The following CCR3 variants were observed in gnomAD, a reference collection of about 807,000 sequenced individuals.
The protein encoded by CCR3 is C-C motif chemokine receptor 3, also known as C-C chemokine receptor type 3.
For synonymous variants in CCR3, 203 were observed against 179.2 expected (o/e 1.13, Z -1.06); for missense variants, 419 against 437.5 (o/e 0.96, Z 0.38).
At chr3:46,240,558 C>G, upstream of CCR3, among the ~76,000 whole-genome samples, 1 of 152,132 alleles carries the variant, frequency 6.6e-6, no homozygotes, top group Non-Finnish European at 1.5e-5. Flanking sequence ...TTTCTAAACC[C>G]TGTAGAACTT....
intron 1 of CCR3, among the ~76,000 whole-genome samples, chr3:46,248,054 A>C (rs902038720): frequency 6.6e-6 from 1 of 152,076 alleles, no homozygotes; most frequent in Non-Finnish European, 1.5e-5. Context: ...TGGAACTGCC[A>C]TCAATAAATC....
At chr3:46,238,405 T>C (rs966438715), upstream of CCR3, among the ~76,000 whole-genome samples, 1 of 152,204 alleles carries the variant, frequency 6.6e-6, no homozygotes, top group Non-Finnish European at 1.5e-5. Context: ...TCAGATCTTT[T>C]TTATTGGGCT....
At chr3:46,216,518 G>T (rs1187698627) in intron 2 of CCR3, among the ~76,000 whole-genome samples, 2 of 152,168 alleles carry the variant, frequency 1.3e-5, no homozygotes, top group African/African-American at 4.8e-5. Flanking sequence ...ATCACAAAAA[G>T]ATCATCATCT....
upstream of CCR3, among the ~76,000 whole-genome samples, chr3:46,237,669 T>G (rs1443521138): frequency 1.3e-5 from 2 of 152,240 alleles, no homozygotes; most frequent in African/African-American, 2.4e-5. Context: ...CCCAGCAGCA[T>G]GTATTGAAGA....
chr3:46,234,795 C>CA (rs1433652984), intron 2 of CCR3, among the ~76,000 whole-genome samples: 4 of 152,202 alleles, frequency 2.6e-5, no homozygotes, highest in African/African-American at 9.7e-5. Context: ...GCTTTCCTTC[C>CA]ACCACCATCA....
At chr3:46,232,376 G>T (rs1171953390) in intron 2 of CCR3, among the ~76,000 whole-genome samples, 2 of 152,196 alleles carry the variant, frequency 1.3e-5, no homozygotes, top group South Asian at 2.1e-4. Context: ...AGCAGGAAGG[G>T]CTGGGAAAGC....
At chr3:46,214,429 C>T (rs1699750759) in intron 2 of CCR3, among the ~76,000 whole-genome samples, 1 of 152,152 alleles carries the variant, frequency 6.6e-6, no homozygotes, top group Admixed American at 6.5e-5. Context: ...TTGATTTTCT[C>T]TCATCTTGTC....
At chr3:46,249,504 A>G (rs1700264233) in intron 1 of CCR3, among the ~76,000 whole-genome samples, 1 of 152,092 alleles carries the variant, frequency 6.6e-6, no homozygotes, top group Non-Finnish European at 1.5e-5. Context: ...CTCCACTGTG[A>G]GAGTTACCTA....
At chr3:46,260,748 G>A (rs867940974) in intron 1 of CCR3, among the ~76,000 whole-genome samples, 4 of 152,320 alleles carry the variant, frequency 2.6e-5, no homozygotes, top group Non-Finnish European at 5.9e-5. Context: ...ATGAGGCAGA[G>A]GAAATTATTT....
intron 2 of CCR3, among the ~76,000 whole-genome samples, chr3:46,222,172 G>A (rs1474307668): frequency 6.6e-6 from 1 of 152,204 alleles, no homozygotes; most frequent in Non-Finnish European, 1.5e-5. Flanking sequence ...AGAGGAAGCA[G>A]GACCATGTAT....
At chr3:46,238,020 C>G (rs1700040866), upstream of CCR3, among the ~76,000 whole-genome samples, 1 of 152,202 alleles carries the variant, frequency 6.6e-6, no homozygotes, top group Non-Finnish European at 1.5e-5. Flanking sequence ...GATCTTTTCT[C>G]TATTTCAATT....
At chr3:46,221,467 C>T (rs758953098) in intron 2 of CCR3, among the ~76,000 whole-genome samples, 6 of 152,338 alleles carry the variant, frequency 3.9e-5, no homozygotes, top group African/African-American at 1.4e-4. Context: ...TATTCCTGCA[C>T]ATGCAAGATG....
At chr3:46,243,790 C>T (rs1387140680) in intron 1 of CCR3, among the ~76,000 whole-genome samples, 2 of 152,028 alleles carry the variant, frequency 1.3e-5, no homozygotes, top group Non-Finnish European at 1.5e-5. Flanking sequence ...AAAAGCAGAT[C>T]TGTACAGCAG....
At position 46,266,379 on chromosome 3, in the gene CCR3, T is replaced by C. The variant is rs1700635166; in HGVS notation, c.*153T>C. ...TGAAATATACACACAGCAGTAGCAG[T>C]AGATGCATGTACCCTAAGGTCATTA... On this transcript the variant is annotated 3_prime_UTR_variant, in exon 2 of 2. Coordinates refer to ENST00000395940, the MANE Select transcript of CCR3 (RefSeq NM_178329.3). 1 of 615,242 alleles carries C rather than the reference T, an allele frequency of 1.6e-6. No individual in the cohort carries two copies. Among genetic ancestry groups the C allele is most frequent in the East Asian group, 2.8e-5 (1 of 36,170 alleles). The allele number at this position is 615,242 out of a possible 1,614,324, so 38.1% of individuals were successfully genotyped here. A position where few individuals can be genotyped will look rare whatever the true frequency, so the allele number is the denominator to read the frequency against.
rs528127543 is a variant in CCR3, at chr3:46,219,046, T to C, written c.-68+8139T>C. The stretch of plus-strand genomic sequence containing the variant: ...AATGAAGAAGTCAAACTGTCGCTGT[T>C]TGCCCATGATATGATCACATACCTA... On this transcript the variant is annotated intron_variant, in intron 2 of 3. Coordinates refer to the CCR3 transcript ENST00000357422. 2.0e-5 allele frequency among the ~76,000 whole-genome samples: 3 copies of C among 152,228 alleles called. No homozygotes were observed. In the East Asian group the frequency reaches 5.8e-4, roughly 29 times the overall value.
At chr3:46,239,867 C>T (rs1391222925), upstream of CCR3, among the ~76,000 whole-genome samples, 1 of 152,162 alleles carries the variant, frequency 6.6e-6, no homozygotes, top group Non-Finnish European at 1.5e-5. Flanking sequence ...ATGTGGAATA[C>T]TCTGAAAACC....
chr3:46,211,389 ATATATATATT>A (rs1449435109), intron 2 of CCR3, among the ~76,000 whole-genome samples: 3 of 146,704 alleles, frequency 2.0e-5, no homozygotes, highest in African/African-American at 7.5e-5. Context: ...GTATATATAT[ATATATATATT>A]TTTTGTAGAA....
At chr3:46,227,939 A>G (rs527790342) in intron 2 of CCR3, among the ~76,000 whole-genome samples, 80 of 152,174 alleles carry the variant, frequency 5.3e-4, no homozygotes, top group African/African-American at 1.5e-3. Context: ...ATCTCGGTGA[A>G]TGTTCCATAG....
intron 2 of CCR3, among the ~76,000 whole-genome samples, chr3:46,229,118 A>G (rs911269007): frequency 2.0e-5 from 3 of 152,304 alleles, no homozygotes; most frequent in Middle Eastern, 3.4e-3. Flanking sequence ...ACTGAGTTGC[A>G]GCCAATGGGA....
Sources: allele counts gnomAD v4.1 joint callset (sites outside exome capture counted in the v4.1 genomes callset), GRCh38; gene constraint gnomAD v4.1.1; transcripts MANE v1.5; gene names NCBI Gene and HGNC (gene_info 2026-07-23, HGNC 2026-07-21).